The following SH3KBP1 variants were observed in gnomAD, a reference collection of about 807,000 sequenced individuals.
The protein encoded by SH3KBP1 is SH3 domain containing kinase binding protein 1, also known as SH3 domain-containing kinase-binding protein 1.
Under a neutral mutation model 50.1 loss-of-function variants are expected in SH3KBP1, and 8 were observed. The observed-to-expected ratio is 0.16, with a 90% confidence interval of 0.09 to 0.29. SH3KBP1 has a LOEUF of 0.29. Ranked by LOEUF, SH3KBP1 falls within the 10% of genes least tolerant of loss-of-function variation. SH3KBP1 has a pLI of 1.00. For synonymous variants in SH3KBP1, 227 were observed against 218.6 expected (o/e 1.04, Z -0.34); for missense variants, 377 against 535.2 (o/e 0.70, Z 2.92).
chrX:19,695,826 G>A (rs1456912070), intron 4 of SH3KBP1, 85 bp from the exon 5 acceptor site: 4 of 928,303 alleles, frequency 4.3e-6, no homozygotes, highest in Admixed American at 2.4e-5. Flanking sequence ...TATGTATAGT[G>A]TAGCATGCAG....
intron 14 of SH3KBP1, among the ~76,000 whole-genome samples, chrX:19,549,572 C>T (rs1427369466): frequency 9.0e-6 from 1 of 111,454 alleles, no homozygotes; most frequent in South Asian, 3.8e-4. Flanking sequence ...TCGGCTGCTG[C>T]CTGGCGCTAT....
chrX:19,825,747 G>A (rs1457818642), intron 2 of SH3KBP1, among the ~76,000 whole-genome samples: 2 of 111,403 alleles, frequency 1.8e-5, no homozygotes, highest in South Asian at 3.7e-4. Flanking sequence ...GGTGGTGCAC[G>A]CCTGTAATCC....
At chrX:19,608,344 T>C (rs1241891659) in intron 8 of SH3KBP1, among the ~76,000 whole-genome samples, 1 of 100,952 alleles carries the variant, frequency 9.9e-6, no homozygotes, top group African/African-American at 3.8e-5. Flanking sequence ...GGTCTCACTC[T>C]GTCGCCCAGG....
chrX:19,763,865 C>T (rs980035434), intron 2 of SH3KBP1, among the ~76,000 whole-genome samples: 1 of 108,386 alleles, frequency 9.2e-6, no homozygotes, highest in African/African-American at 3.4e-5. Flanking sequence ...ACACAAAAAA[C>T]ACAAAAACTA....
intron 1 of SH3KBP1, among the ~76,000 whole-genome samples, chrX:19,844,727 G>T (rs2068315953): frequency 9.0e-6 from 1 of 111,593 alleles, no homozygotes; most frequent in Non-Finnish European, 1.9e-5. Context: ...AAAAACAAAG[G>T]GTTATCAAAC....
Position 19,569,176 on chromosome X carries a change from T to C in SH3KBP1, c.1311A>G (p.Pro437=). ...GCGAACTGCCGGCCAAGTCAATCTTTGGACTGTCACCCCTACATTAAAAAC... is the reference window on the plus strand; with the variant it reads ...GCGAACTGCCGGCCAAGTCAATCTTCGGACTGTCACCCCTACATTAAAAAC... The part of the protein sequence containing the change: ...GPLTHTRGDS[P]KIDLAGSSLS... Residue 437 remains proline (P), a synonymous_variant, in exon 13 of 18, where the codon CCA becomes CCG. Coordinates refer to ENST00000397821, the MANE Select transcript of SH3KBP1 (RefSeq NM_031892.3). The C allele has an allele frequency of 1.7e-6, 2 of 1,207,900 alleles. No homozygotes were observed. Among genetic ancestry groups the C allele is most frequent in the South Asian group, 1.8e-5 (1 of 56,933 alleles).
chrX:19,665,249 T>G lies in SH3KBP1; in HGVS notation c.726+18574A>C, dbSNP rs1159349398. Among the ~76,000 whole-genome samples the G allele has an allele frequency of 3.6e-5, 4 of 112,255 alleles. No individual in the cohort carries two copies. The Admixed American group carries it at 3.8e-4, about 11-fold the overall frequency. On this transcript the variant is annotated intron_variant, in intron 6 of 17. Coordinates refer to ENST00000397821, the MANE Select transcript of SH3KBP1 (RefSeq NM_031892.3). Reference sequence around the variant, plus strand: ...AGAAAATGAGGCAGTAAATCCATCTTTAGCATTTCTACCTTCCTCATTTTA... The same window carrying G: ...AGAAAATGAGGCAGTAAATCCATCTGTAGCATTTCTACCTTCCTCATTTTA...
intron 1 of SH3KBP1, among the ~76,000 whole-genome samples, chrX:19,858,038 G>A (rs1031615653): frequency 2.7e-5 from 3 of 109,305 alleles, no homozygotes; most frequent in Non-Finnish European, 5.7e-5. Flanking sequence ...AATTAGCTGG[G>A]TGTGGTGGTG....
At chrX:19,705,788 G>A (rs1205325322) in intron 4 of SH3KBP1, among the ~76,000 whole-genome samples, 1 of 111,870 alleles carries the variant, frequency 8.9e-6, no homozygotes, top group Non-Finnish European at 1.9e-5. Flanking sequence ...AATAAATTTT[G>A]ACGAGCAGAA....
intron 13 of SH3KBP1, among the ~76,000 whole-genome samples, chrX:19,564,340 T>C (rs761867906): frequency 8.9e-6 from 1 of 112,452 alleles, no homozygotes; most frequent in Non-Finnish European, 1.9e-5. Context: ...TGCTCTCCTG[T>C]ATAACTTTAC....
In SH3KBP1 at chrX:19,588,257, G is replaced by T. The variant is rs1478607254; in HGVS notation, c.1298+386C>A. 8.0e-6 allele frequency: 7 copies of T among 874,072 alleles called. No individual in the cohort carries two copies. The African/African-American group carries it at 8.1e-5, about 10-fold the overall frequency. 72.0% of individuals were successfully genotyped at this position (874,072 alleles called of 1,213,427 possible). A position where few individuals can be genotyped will look rare whatever the true frequency, so the allele number is the denominator to read the frequency against. On this transcript the variant is annotated intron_variant, in intron 12 of 17. Transcript: ENST00000397821. The stretch of plus-strand genomic sequence containing the variant: ...GGTCAGGGGTCGTAGCCACACATGA[G>T]ATATACATACTTGAGGCCGGCACAA...
At chrX:19,562,274 A>G (rs922398101) in intron 13 of SH3KBP1, among the ~76,000 whole-genome samples, 4 of 111,627 alleles carry the variant, frequency 3.6e-5, no homozygotes, top group Non-Finnish European at 7.5e-5. Flanking sequence ...ATTCCTCTGG[A>G]TATTTGCAAG....
chrX:19,876,652 G>A (rs114953095), intron 1 of SH3KBP1, among the ~76,000 whole-genome samples: 3,183 of 111,360 alleles, frequency 0.029, 121 homozygotes, highest in African/African-American at 0.098. Context: ...ATGCCTCTGT[G>A]TTGGTATACA....
At chrX:19,592,170 G>A (rs1461155103) in intron 10 of SH3KBP1, 23 bp from the exon 11 acceptor site, 1 of 1,109,788 alleles carries the variant, frequency 9.0e-7, no homozygotes, top group African/African-American at 1.8e-5. Flanking sequence ...GGGTAATAGT[G>A]ATCACAAAAT....
chrX:19,617,340 T>C (rs2067648767), intron 8 of SH3KBP1, among the ~76,000 whole-genome samples: 1 of 112,359 alleles, frequency 8.9e-6, no homozygotes, highest in Non-Finnish European at 1.9e-5. Context: ...TACCCTTTAC[T>C]CTATAATAGC....
intron 3 of SH3KBP1, among the ~76,000 whole-genome samples, chrX:19,732,674 A>G (rs1340893092): frequency 9.4e-6 from 1 of 106,410 alleles, no homozygotes; most frequent in Non-Finnish European, 1.9e-5. Context: ...TGTTTCTAAA[A>G]TATCATTTGT....
intron 3 of SH3KBP1, among the ~76,000 whole-genome samples, chrX:19,736,906 C>CT (rs147253839): frequency 0.018 from 1,715 of 96,367 alleles, 18 homozygotes; most frequent in Middle Eastern, 0.033. Context: ...CCTCTAATTA[C>CT]TTTTTTTTTT....
chrX:19,776,532 G>GTTTTTGTTTTTTT lies in SH3KBP1; in HGVS notation c.163-30092_163-30091insAAAAAAACAAAAA, dbSNP rs1175802634. On this transcript the variant is annotated intron_variant, in intron 2 of 17. Coordinates refer to ENST00000397821, the MANE Select transcript of SH3KBP1 (RefSeq NM_031892.3). ...ATTCTAAATCTAGCTTGACAACCTG[G>GTTTTTGTTTTTTT]TTTTTTTTTTTTTTTTTTTTTTTTT... Among the ~76,000 whole-genome samples the GTTTTTGTTTTTTT allele has an allele frequency of 7.8e-5, 2 of 25,683 alleles. 1 individual carries two copies. Among genetic ancestry groups the GTTTTTGTTTTTTT allele is most frequent in the African/African-American group, 3.4e-4 (2 of 5,943 alleles). The allele number at this position is 25,683 out of a possible 115,157, so 22.3% of individuals were successfully genotyped here.
intron 1 of SH3KBP1, among the ~76,000 whole-genome samples, chrX:19,879,333 C>G (rs2069362741): frequency 8.9e-6 from 1 of 111,954 alleles, no homozygotes; most frequent in Admixed American, 9.4e-5. Context: ...TTTCTGAGCA[C>G]CTACAGAAAT....
Sources: gnomAD v4.1 joint callset for allele counts (sites outside exome capture counted in the v4.1 genomes callset) on GRCh38, gnomAD v4.1.1 for gene constraint, MANE v1.5 for transcripts, NCBI Gene and HGNC (gene_info 2026-07-23, HGNC 2026-07-21) for gene names.